The following GPC6 variants were observed in gnomAD, a reference collection of about 807,000 sequenced individuals.
GPC6 encodes the protein glypican-6.
Under a neutral mutation model 55.2 loss-of-function variants are expected in GPC6, and 14 were observed. That is an observed-to-expected ratio of 0.25 (90% CI 0.17 to 0.40). The LOEUF (loss-of-function observed/expected upper bound fraction) is 0.40. Among genes scored for constraint, GPC6 ranks in the 10% least tolerant of loss-of-function variants. The pLI is 1.00. For synonymous variants in GPC6, 278 were observed against 259.6 expected, an observed-to-expected ratio of 1.07 and a Z score of -0.68; for missense variants, 641 against 708.5, an observed-to-expected ratio of 0.90 and a Z score of 1.08.
intron 6 of GPC6, among the ~76,000 whole-genome samples, chr13:94,338,197 A>T (rs1877820953): frequency 6.6e-6 from 1 of 152,216 alleles, no homozygotes; most frequent in African/African-American, 2.4e-5. Flanking sequence ...TCTTCCAGGG[A>T]TTACTAATTA....
chr13:94,201,494 C>A (rs1473898211), intron 4 of GPC6, among the ~76,000 whole-genome samples: 1 of 152,038 alleles, frequency 6.6e-6, no homozygotes, highest in African/African-American at 2.4e-5. Context: ...ATCTTAACAC[C>A]TTTGGGGAAT....
At chr13:93,472,669 G>T (rs1255146680) in intron 1 of GPC6, among the ~76,000 whole-genome samples, 1 of 152,218 alleles carries the variant, frequency 6.6e-6, no homozygotes, top group South Asian at 2.1e-4. Context: ...TCCTAGAAGG[G>T]CCACAAACTC....
chr13:93,962,416 A>AAT (rs1555344755), intron 3 of GPC6, among the ~76,000 whole-genome samples: 1 of 151,844 alleles, frequency 6.6e-6, no homozygotes, highest in Non-Finnish European at 1.5e-5. Flanking sequence ...GTTAGCAAAA[A>AAT]ATATATATAT....
intron 1 of GPC6, among the ~76,000 whole-genome samples, chr13:93,421,381 G>A (rs1457192797): frequency 2.6e-5 from 4 of 151,986 alleles, no homozygotes; most frequent in Non-Finnish European, 5.9e-5. Flanking sequence ...TTAAATGGTA[G>A]TACTGGCTTT....
At chr13:94,038,256 C>A (rs988290416) in intron 4 of GPC6, among the ~76,000 whole-genome samples, 1 of 151,834 alleles carries the variant, frequency 6.6e-6, no homozygotes, top group Non-Finnish European at 1.5e-5. Flanking sequence ...GACAGGCAGG[C>A]TTAGACCATT....
At chr13:94,053,998 G>T (rs1884045033) in intron 4 of GPC6, among the ~76,000 whole-genome samples, 2 of 152,140 alleles carry the variant, frequency 1.3e-5, no homozygotes, top group Admixed American at 6.5e-5. Context: ...TGGTGGAAAA[G>T]GTGCTGAATG....
At chr13:93,414,062 G>T (rs1876605937) in intron 1 of GPC6, among the ~76,000 whole-genome samples, 1 of 152,128 alleles carries the variant, frequency 6.6e-6, no homozygotes, top group African/African-American at 2.4e-5. Flanking sequence ...ATTAAAAGAT[G>T]AACAGGGACC....
chr13:94,238,079 A>G (rs543248221), intron 4 of GPC6, among the ~76,000 whole-genome samples: 57 of 152,312 alleles, frequency 3.7e-4, no homozygotes, highest in Non-Finnish European at 7.1e-4. Context: ...GTAGATAAAC[A>G]TGCCATTTAC....
intron 5 of GPC6, among the ~76,000 whole-genome samples, chr13:94,298,483 G>A (rs1408095773): frequency 1.3e-5 from 2 of 152,166 alleles, no homozygotes; most frequent in Non-Finnish European, 2.9e-5. Context: ...AGGAAGTAAA[G>A]AGCCCAAGTT....
intron 3 of GPC6, among the ~76,000 whole-genome samples, chr13:93,854,105 G>T (rs954497537): frequency 3.3e-5 from 5 of 151,590 alleles, no homozygotes; most frequent in Admixed American, 2.6e-4. Flanking sequence ...AAAGGTTGGG[G>T]TGTTTCTTTC....
intron 1 of GPC6, among the ~76,000 whole-genome samples, chr13:93,373,011 A>C (rs908467968): frequency 1.3e-5 from 2 of 152,198 alleles, no homozygotes; most frequent in African/African-American, 2.4e-5. Flanking sequence ...GTCATGGAGC[A>C]GCACGCAATT....
chr13:94,366,899 G>A (rs576695758), intron 6 of GPC6, among the ~76,000 whole-genome samples: 36 of 152,332 alleles, frequency 2.4e-4, no homozygotes, highest in Middle Eastern at 3.4e-3. Flanking sequence ...ACCAGGTAGA[G>A]CTTGCAAAGG....
intron 4 of GPC6, among the ~76,000 whole-genome samples, chr13:94,139,531 T>C (rs80142343): frequency 6.0e-4 from 92 of 152,298 alleles, no homozygotes; most frequent in African/African-American, 1.9e-3. Context: ...ATCTTGTAGA[T>C]CTAGCGCAAA....
At chr13:93,516,354 A>G (rs1007780935) in intron 1 of GPC6, among the ~76,000 whole-genome samples, 2 of 152,144 alleles carry the variant, frequency 1.3e-5, no homozygotes, top group Non-Finnish European at 2.9e-5. Flanking sequence ...GCCAAGCCCA[A>G]TCTATTCATC....
At chr13:94,137,363 TG>T (rs992989961) in intron 4 of GPC6, among the ~76,000 whole-genome samples, 3 of 152,158 alleles carry the variant, frequency 2.0e-5, no homozygotes, top group Non-Finnish European at 4.4e-5. Context: ...TTTGTCCAGC[TG>T]GGACATTTAG....
chr13:94,386,417 C>T (rs1375065721), intron 7 of GPC6, among the ~76,000 whole-genome samples: 3 of 149,450 alleles, frequency 2.0e-5, no homozygotes, highest in African/African-American at 7.4e-5. Flanking sequence ...ATAGTGAGAC[C>T]CTGTCTCTAC....
intron 1 of GPC6, among the ~76,000 whole-genome samples, chr13:93,341,494 A>G (rs1457335948): frequency 6.6e-6 from 1 of 152,154 alleles, no homozygotes; most frequent in African/African-American, 2.4e-5. Context: ...ATCCCTGATG[A>G]TTAGTGATGT....
chr13:93,415,456 C>T (rs1016968864), intron 1 of GPC6, among the ~76,000 whole-genome samples: 7 of 152,050 alleles, frequency 4.6e-5, no homozygotes, highest in African/African-American at 9.6e-5. Context: ...ATATTTTTAT[C>T]GTATTTTATT....
At position 94,210,404 on chromosome 13, in the gene GPC6, G is replaced by A. The variant is rs545329048; in HGVS notation, c.878-75945G>A. Reference sequence around the variant, plus strand: ...ACTCCTAACCTCAGGTGATCCACCCGCCTCAGCCTCCGAAAGTGCTGGGAT... The same window carrying A: ...ACTCCTAACCTCAGGTGATCCACCCACCTCAGCCTCCGAAAGTGCTGGGAT... On this transcript the variant is annotated intron_variant, in intron 4 of 8. Transcript: ENST00000377047. Among the ~76,000 whole-genome samples the A allele has an allele frequency of 8.6e-5, 13 of 151,154 alleles. 1 individual carries two copies. The highest frequency in any genetic ancestry group is 2.7e-4 in the African/African-American group (11 of 41,168).
Sources: allele counts gnomAD v4.1 joint callset (sites outside exome capture counted in the v4.1 genomes callset), GRCh38; gene constraint gnomAD v4.1.1; transcripts MANE v1.5; gene names NCBI Gene and HGNC (gene_info 2026-07-23, HGNC 2026-07-21).